Variants in ASTN1 observed in about 807,000 individuals in gnomAD.
The protein encoded by ASTN1 is astrotactin-1.
ASTN1 carries 41 observed loss-of-function variants against 140.7 expected under a neutral mutation model. The ratio of observed to expected loss-of-function variants is 0.29; its 90% confidence interval spans 0.23 to 0.38. The LOEUF (loss-of-function observed/expected upper bound fraction) is 0.38, where lower values mean the gene tolerates loss of function less well. Among genes scored for constraint, ASTN1 ranks in the 10% least tolerant of loss-of-function variants. ASTN1 has a pLI of 1.00. For missense variants in ASTN1, 1,479 were observed against 1,678.8 expected (o/e 0.88, Z 2.08); for synonymous variants, 640 against 652.2 (o/e 0.98, Z 0.29).
intron 5 of ASTN1, chr1:177,029,421 C>T (rs902346881): frequency 5.4e-6 from 4 of 746,610 alleles, no homozygotes; most frequent in Middle Eastern, 2.3e-4. Context: ...TTTGAGAGTG[C>T]CATTATCTGG....
intron 16 of ASTN1, among the ~76,000 whole-genome samples, chr1:176,916,577 C>T (rs1475878362): frequency 6.6e-6 from 1 of 152,126 alleles, no homozygotes; most frequent in Admixed American, 6.5e-5. Context: ...AACACACCCT[C>T]ACCCTCCACA....
At chr1:176,970,026 G>GAACT (rs1347730880) in intron 8 of ASTN1, among the ~76,000 whole-genome samples, 1 of 152,194 alleles carries the variant, frequency 6.6e-6, no homozygotes, top group African/African-American at 2.4e-5. Flanking sequence ...CGTATGCTGA[G>GAACT]AACTAGTGGT....
intron 1 of ASTN1, among the ~76,000 whole-genome samples, chr1:177,152,562 G>A (rs902595495): frequency 2.0e-5 from 3 of 151,542 alleles, no homozygotes; most frequent in African/African-American, 7.3e-5. Flanking sequence ...CTACTAAAGG[G>A]CAGTCAAGAT....
At chr1:177,160,083 T>C (rs1647269442) in intron 1 of ASTN1, among the ~76,000 whole-genome samples, 1 of 152,204 alleles carries the variant, frequency 6.6e-6, no homozygotes, top group South Asian at 2.1e-4. Context: ...ATTTTAACCA[T>C]TTTCAGGGCT....
intron 17 of ASTN1, among the ~76,000 whole-genome samples, chr1:176,888,711 G>A (rs971397563): frequency 1.3e-5 from 2 of 152,130 alleles, no homozygotes; most frequent in East Asian, 1.9e-4. Flanking sequence ...GCCTTGGGTT[G>A]TGACTTGGCA....
At chr1:177,040,366 C>A (rs1452626172) in intron 2 of ASTN1, among the ~76,000 whole-genome samples, 2 of 152,294 alleles carry the variant, frequency 1.3e-5, no homozygotes, top group Middle Eastern at 3.4e-3. Flanking sequence ...CAGGGCCCAG[C>A]CCGCGCTGCC....
rs1315973224 is a variant in ASTN1, at chr1:176,864,322, T to A, written c.3847A>T (p.Ile1283Phe). The change falls in exon 23 of 23, where the codon ATC becomes TTC. Residue 1283 changes from isoleucine (I) to phenylalanine (F), a missense_variant. By Grantham distance (21) the Ile-to-Phe change is conservative. Transcript: ENST00000361833. ...RKTCEEQTLS[I>F]PYNDYGDSKE... ...CTGTCCCCATAGTCGTTGTAGGGGA[T>A]ACTCAGGGTCTGCTCCTCACACGTC... 5 of 1,614,152 alleles carry A rather than the reference T, an allele frequency of 3.1e-6. No homozygotes were observed. The highest frequency in any genetic ancestry group is 4.2e-6 in the Non-Finnish European group (5 of 1,180,014).
chr1:177,034,682 T>G (rs1676624607), intron 2 of ASTN1, among the ~76,000 whole-genome samples: 1 of 152,082 alleles, frequency 6.6e-6, no homozygotes, highest in Non-Finnish European at 1.5e-5. Flanking sequence ...AGTATTTGTG[T>G]CCAACCTGAC....
intron 22 of ASTN1, among the ~76,000 whole-genome samples, chr1:176,865,615 T>G (rs1668105103): frequency 6.6e-6 from 1 of 152,218 alleles, no homozygotes; most frequent in South Asian, 2.1e-4. Context: ...GACTACTGAC[T>G]TGGAAACCTC....
At position 176,988,067 on chromosome 1, in the gene ASTN1, T is replaced by C. The variant is rs963884583; in HGVS notation, c.1524-22830A>G. Among the ~76,000 whole-genome samples, 3 of 152,312 alleles carry C rather than the reference T, an allele frequency of 2.0e-5. No homozygotes were observed. In the South Asian group the frequency reaches 6.2e-4, roughly 32 times the overall value. The stretch of plus-strand genomic sequence containing the variant: ...CATCAGGGTGGGAACAGGTCTCATG[T>C]TCAATTTTGAACAAGTTAATTTGAG... On this transcript the variant is annotated intron_variant, in intron 8 of 22. Coordinates refer to ENST00000361833, the MANE Select transcript of ASTN1 (RefSeq NM_004319.3).
At chr1:177,060,224 T>A (rs1299181673) in intron 2 of ASTN1, among the ~76,000 whole-genome samples, 1 of 152,174 alleles carries the variant, frequency 6.6e-6, no homozygotes, top group Non-Finnish European at 1.5e-5. Context: ...ACCTTCCAAC[T>A]TTTTTTGAGG....
chr1:176,932,979 C>G (rs1671271748), intron 16 of ASTN1, among the ~76,000 whole-genome samples: 1 of 152,236 alleles, frequency 6.6e-6, no homozygotes, highest in African/African-American at 2.4e-5. Context: ...TATTACATTG[C>G]TCTCTTGGCA....
At chr1:177,033,867 T>C (rs1196122695) in intron 2 of ASTN1, among the ~76,000 whole-genome samples, 4 of 151,942 alleles carry the variant, frequency 2.6e-5, no homozygotes, top group African/African-American at 9.7e-5. Flanking sequence ...GGGGCAGCAT[T>C]TAGAGGGACA....
chr1:176,871,428 G>A (rs950438209), intron 21 of ASTN1, among the ~76,000 whole-genome samples: 7 of 152,160 alleles, frequency 4.6e-5, no homozygotes, highest in African/African-American at 1.4e-4. Flanking sequence ...CAGTCCACAC[G>A]CCAGGCCCTG....
At chr1:176,877,576 G>A (rs1368854532) in intron 20 of ASTN1, among the ~76,000 whole-genome samples, 1 of 152,218 alleles carries the variant, frequency 6.6e-6, no homozygotes, top group Non-Finnish European at 1.5e-5. Context: ...CCCCTTGGGT[G>A]ATGGAGCTAG....
At chr1:176,980,246 G>A (rs1673551906) in intron 8 of ASTN1, among the ~76,000 whole-genome samples, 1 of 152,106 alleles carries the variant, frequency 6.6e-6, no homozygotes, top group African/African-American at 2.4e-5. Flanking sequence ...AAGAGGAGAG[G>A]TGACAGGGAG....
At chr1:176,966,973 T>C (rs930811214) in intron 8 of ASTN1, among the ~76,000 whole-genome samples, 10 of 152,238 alleles carry the variant, frequency 6.6e-5, no homozygotes, top group African/African-American at 2.4e-4. Context: ...AAAATATTTG[T>C]TACAAAATAT....
intron 8 of ASTN1, among the ~76,000 whole-genome samples, chr1:176,994,994 G>A (rs1674369457): frequency 6.6e-6 from 1 of 152,120 alleles, no homozygotes; most frequent in African/African-American, 2.4e-5. Flanking sequence ...ATTTACCTCA[G>A]TAAAGAACAC....
chr1:176,992,112 C>G (rs533881315), intron 8 of ASTN1, among the ~76,000 whole-genome samples: 1 of 152,124 alleles, frequency 6.6e-6, no homozygotes, highest in Non-Finnish European at 1.5e-5. Context: ...GTTGACAATT[C>G]AAAATATCTC....
Sources: allele counts gnomAD v4.1 joint callset (sites outside exome capture counted in the v4.1 genomes callset), GRCh38; gene constraint gnomAD v4.1.1; transcripts MANE v1.5; gene names NCBI Gene and HGNC (gene_info 2026-07-23, HGNC 2026-07-21).